Variants in SCAMP1 observed in about 807,000 individuals in gnomAD.
SCAMP1 encodes secretory carrier-associated membrane protein 1.
A neutral mutation model predicts 41.8 loss-of-function variants in SCAMP1; 15 were observed. That is an observed-to-expected ratio of 0.36 (90% CI 0.24 to 0.55). SCAMP1 has a LOEUF of 0.55. SCAMP1 is among the 20% of genes least tolerant of loss of function. The pLI is 0.86. For missense variants in SCAMP1, 341 were observed against 412.6 expected, an observed-to-expected ratio of 0.83 and a Z score of 1.50; for synonymous variants, 135 against 136.8, an observed-to-expected ratio of 0.99 and a Z score of 0.09.
intron 1 of SCAMP1, among the ~76,000 whole-genome samples, chr5:78,376,232 G>A (rs1424682968): frequency 1.3e-5 from 2 of 152,078 alleles, no homozygotes; most frequent in Non-Finnish European, 2.9e-5. Context: ...TTGAAATATT[G>A]GGGGTGGGTT....
intron 2 of SCAMP1, among the ~76,000 whole-genome samples, chr5:78,412,934 C>T (rs1314027600): frequency 6.6e-6 from 1 of 152,126 alleles, no homozygotes; most frequent in Non-Finnish European, 1.5e-5. Context: ...ACTTACTGAG[C>T]ATCTACTGTT....
intron 4 of SCAMP1, 42 bp from the exon 5 acceptor site, chr5:78,418,733 A>T (rs776391967): frequency 4.8e-5 from 59 of 1,223,524 alleles, no homozygotes; most frequent in Non-Finnish European, 6.4e-5. Flanking sequence ...CACATTTGTT[A>T]TAATATAAAT....
At chr5:78,439,293 C>G (rs1357186341) in intron 6 of SCAMP1, among the ~76,000 whole-genome samples, 1 of 149,924 alleles carries the variant, frequency 6.7e-6, no homozygotes, top group Non-Finnish European at 1.5e-5. Context: ...TTAATTGATG[C>G]AGTTTCTTCC....
chr5:78,396,545 G>T (rs1357988897), intron 2 of SCAMP1, among the ~76,000 whole-genome samples: 2 of 152,218 alleles, frequency 1.3e-5, no homozygotes, highest in Non-Finnish European at 2.9e-5. Flanking sequence ...TTGATTGTAT[G>T]AATCTGGTGT....
chr5:78,418,244 G>A (rs1752257036), intron 4 of SCAMP1, among the ~76,000 whole-genome samples: 1 of 152,002 alleles, frequency 6.6e-6, no homozygotes, highest in Non-Finnish European at 1.5e-5. Context: ...CAGATTTTGA[G>A]TATTCTAAAT....
At chr5:78,391,004 G>T (rs1265283826) in intron 2 of SCAMP1, among the ~76,000 whole-genome samples, 2 of 151,000 alleles carry the variant, frequency 1.3e-5, no homozygotes, top group African/African-American at 2.4e-5. Context: ...CAAGGCAGAA[G>T]AATTTTTCTT....
chr5:78,452,392 T>C (rs1477544182), intron 7 of SCAMP1, among the ~76,000 whole-genome samples: 12 of 132,728 alleles, frequency 9.0e-5, no homozygotes, highest in African/African-American at 3.2e-4. Context: ...CCTGTGTCCA[T>C]GTGATCTCAT....
rs1178900719 is a variant in SCAMP1 at position 78,384,283 on chromosome 5, A to G, written c.58-4554A>G. Among the ~76,000 whole-genome samples, 6 of 147,210 alleles carry G rather than the reference A, an allele frequency of 4.1e-5. No homozygotes were observed. In the South Asian group the frequency reaches 1.3e-3, roughly 32 times the overall value. On this transcript the variant is annotated intron_variant, in intron 1 of 8. Transcript: ENST00000621999. ...GTATGGCTGCTGATTTGTGTACATT[A>G]ATGTTGTACACAAATGTTTTAGTTT...
chr5:78,360,633 T>G lies in SCAMP1; in HGVS notation c.-39T>G. 6.3e-7 allele frequency: 1 copy of G among 1,587,612 alleles called. No homozygotes were observed. The highest frequency in any genetic ancestry group is 1.1e-5 in the South Asian group (1 of 87,572). On this transcript the variant is annotated 5_prime_UTR_variant, in exon 1 of 9. Transcript: ENST00000621999. ...GGCGGCCTCGCCTCGTCTCTCTCTC[T>G]GCGCCTGGGTCGGGTGGGTGACGCC...
chr5:78,396,301 A>G (rs13347329), intron 2 of SCAMP1, among the ~76,000 whole-genome samples: 68,445 of 152,014 alleles, frequency 0.45, 16,223 homozygotes, highest in Non-Finnish European at 0.51. Flanking sequence ...ACAAATGTCC[A>G]CTCTGGTGGG....
At chr5:78,391,813 T>C (rs565259304) in intron 2 of SCAMP1, among the ~76,000 whole-genome samples, 6 of 152,296 alleles carry the variant, frequency 3.9e-5, no homozygotes, top group African/African-American at 1.4e-4. Context: ...GAGACCAGCC[T>C]GGCCAACACA....
chr5:78,398,693 G>A (rs749398989), intron 2 of SCAMP1, among the ~76,000 whole-genome samples: 10 of 151,204 alleles, frequency 6.6e-5, no homozygotes, highest in Non-Finnish European at 1.0e-4. Flanking sequence ...ACAGGTTTGC[G>A]CCACCACACC....
intron 2 of SCAMP1, among the ~76,000 whole-genome samples, chr5:78,398,824 C>T (rs541106101): frequency 7.9e-5 from 12 of 152,140 alleles, no homozygotes; most frequent in Non-Finnish European, 1.8e-4. Flanking sequence ...GGATTACAGG[C>T]GTGAGCCACC....
intron 8 of SCAMP1, among the ~76,000 whole-genome samples, chr5:78,463,917 A>C (rs1032268111): frequency 6.6e-6 from 1 of 151,912 alleles, no homozygotes; most frequent in African/African-American, 2.4e-5. Context: ...ATGAGATGGC[A>C]CTAAGCACTT....
At chr5:78,395,102 C>T (rs1436899673) in intron 2 of SCAMP1, among the ~76,000 whole-genome samples, 1 of 152,210 alleles carries the variant, frequency 6.6e-6, no homozygotes, top group African/African-American at 2.4e-5. Context: ...TTATGCATTA[C>T]CTACTCAGTA....
intron 1 of SCAMP1, among the ~76,000 whole-genome samples, chr5:78,373,756 A>G (rs560246847): frequency 2.5e-4 from 38 of 152,224 alleles, no homozygotes; most frequent in Non-Finnish European, 5.1e-4. Context: ...CTTTACCTCT[A>G]TGGTATCTGA....
At chr5:78,445,560 GTC>G (rs1467342817) in intron 6 of SCAMP1, among the ~76,000 whole-genome samples, 2 of 152,104 alleles carry the variant, frequency 1.3e-5, no homozygotes, top group African/African-American at 4.8e-5. Context: ...GATTTAAACA[GTC>G]TGCTTTCTGG....
intron 6 of SCAMP1, among the ~76,000 whole-genome samples, chr5:78,441,974 C>T (rs761802869): frequency 6.6e-6 from 1 of 152,086 alleles, no homozygotes; most frequent in Non-Finnish European, 1.5e-5. Flanking sequence ...ACAAAAAGTA[C>T]AAATATTAGT....
At chr5:78,421,705 C>T (rs1202798192) in intron 5 of SCAMP1, 96 bp from the exon 6 acceptor site, 2 of 1,033,498 alleles carry the variant, frequency 1.9e-6, no homozygotes, top group Non-Finnish European at 2.9e-6. Context: ...TACATTTGCT[C>T]TTAGGAAGTA....
Sources: allele counts gnomAD v4.1 joint callset (sites outside exome capture counted in the v4.1 genomes callset), GRCh38; gene constraint gnomAD v4.1.1; transcripts MANE v1.5; gene names NCBI Gene and HGNC (gene_info 2026-07-23, HGNC 2026-07-21).